CACNA2D1: variants seen among roughly 807,000 people sequenced by gnomAD.
CACNA2D1 encodes the protein voltage-dependent calcium channel subunit alpha-2/delta-1.
Under a neutral mutation model 171.5 loss-of-function variants are expected in CACNA2D1, and 53 were observed. The observed-to-expected ratio is 0.31, with a 90% CI of 0.25 to 0.39. CACNA2D1 has a LOEUF of 0.39. CACNA2D1 is among the 10% of genes least tolerant of loss of function. The pLI is 1.00. For missense variants in CACNA2D1, 903 were observed against 1,299.8 expected (o/e 0.69, Z 4.69); for synonymous variants, 442 against 443.1 (o/e 1.00, Z 0.03).
intron 5 of CACNA2D1, among the ~76,000 whole-genome samples, chr7:82,131,534 C>G (rs1008855466): frequency 6.6e-6 from 1 of 152,088 alleles, no homozygotes; most frequent in Non-Finnish European, 1.5e-5. Context: ...TTTAATTTAT[C>G]CATAATTTCT....
intron 3 of CACNA2D1, among the ~76,000 whole-genome samples, chr7:82,275,878 A>G (rs1288314140): frequency 6.6e-6 from 1 of 152,234 alleles, no homozygotes; most frequent in Non-Finnish European, 1.5e-5. Context: ...TGAATAGGGC[A>G]GATCAAAATG....
At chr7:82,034,252 A>C (rs937349617) in intron 11 of CACNA2D1, among the ~76,000 whole-genome samples, 4 of 152,076 alleles carry the variant, frequency 2.6e-5, no homozygotes, top group African/African-American at 9.7e-5. Flanking sequence ...CCTGGCTTTT[A>C]AATGACTAAT....
intron 4 of CACNA2D1, among the ~76,000 whole-genome samples, chr7:82,145,382 TTA>T (rs1320488078): frequency 1.4e-5 from 2 of 144,832 alleles, no homozygotes; most frequent in East Asian, 3.9e-4. Flanking sequence ...ATATTATATA[TTA>T]TATATGTATT....
chr7:82,179,035 G>A (rs1796841711), intron 3 of CACNA2D1, among the ~76,000 whole-genome samples: 1 of 151,236 alleles, frequency 6.6e-6, no homozygotes, highest in Non-Finnish European at 1.5e-5. Context: ...GACATTCTGT[G>A]ACTTTCTGGC....
chr7:82,075,323 C>A (rs1000757586), intron 7 of CACNA2D1, among the ~76,000 whole-genome samples: 7 of 151,950 alleles, frequency 4.6e-5, no homozygotes, highest in African/African-American at 1.7e-4. Context: ...TGTCTGTCAG[C>A]AGGAGTAGCA....
upstream of CACNA2D1, chr7:82,443,930 G>A: frequency 2.6e-6 from 1 of 377,468 alleles, no homozygotes; most frequent in Middle Eastern, 6.8e-4. Context: ...GGAAGCGAGA[G>A]GCTCCGTCTG....
chr7:82,326,563 G>T (rs1816675997), intron 3 of CACNA2D1, among the ~76,000 whole-genome samples: 1 of 152,184 alleles, frequency 6.6e-6, no homozygotes, highest in South Asian at 2.1e-4. Context: ...GACCATAGCA[G>T]ACAGTCAGTA....
At chr7:82,044,499 GA>G (rs1804320729) in intron 10 of CACNA2D1, among the ~76,000 whole-genome samples, 2 of 152,084 alleles carry the variant, frequency 1.3e-5, no homozygotes, top group South Asian at 4.1e-4. Context: ...GACTGCTTTG[GA>G]AAAGGATTTT....
chr7:82,130,898 G>A lies in CACNA2D1; in HGVS notation c.396+5737C>T, dbSNP rs531026705. On this transcript the variant is annotated intron_variant, in intron 5 of 38. Coordinates refer to ENST00000356860, the MANE Select transcript of CACNA2D1 (RefSeq NM_000722.4). ...TGCAAGCTCCACCTCCCGGGTTCAC[G>A]CTACTCTCCTGCCTCAGCCTCCCAA... Among the ~76,000 whole-genome samples the A allele has an allele frequency of 3.4e-5, 5 of 146,638 alleles. No individual in the cohort carries two copies. In the South Asian group the frequency reaches 8.9e-4, roughly 26 times the overall value.
At chr7:82,238,709 G>A (rs1055207939) in intron 3 of CACNA2D1, among the ~76,000 whole-genome samples, 2 of 152,040 alleles carry the variant, frequency 1.3e-5, no homozygotes, top group African/African-American at 4.8e-5. Flanking sequence ...AGGAATCTTG[G>A]ATCTTGACTT....
intron 1 of CACNA2D1, among the ~76,000 whole-genome samples, chr7:82,358,632 C>T (rs1056658660): frequency 6.6e-6 from 1 of 151,776 alleles, no homozygotes; most frequent in Non-Finnish European, 1.5e-5. Flanking sequence ...TCACTAAACT[C>T]TGATTCCTAA....
chr7:82,300,398 A>C (rs1294707854), intron 3 of CACNA2D1, among the ~76,000 whole-genome samples: 1 of 152,196 alleles, frequency 6.6e-6, no homozygotes, highest in Non-Finnish European at 1.5e-5. Flanking sequence ...TTATACGTAA[A>C]AGAATGAAAA....
At chr7:81,964,946 T>C (rs1383804085) in intron 32 of CACNA2D1, among the ~76,000 whole-genome samples, 1 of 151,758 alleles carries the variant, frequency 6.6e-6, no homozygotes, top group Non-Finnish European at 1.5e-5. Context: ...AATGCCCCCC[T>C]GGGGAATGGA....
intron 3 of CACNA2D1, among the ~76,000 whole-genome samples, chr7:82,224,441 C>A (rs1477281520): frequency 2.0e-5 from 3 of 152,014 alleles, no homozygotes; most frequent in Non-Finnish European, 4.4e-5. Context: ...CAAAAACTAG[C>A]TGGGCGTGGT....
intron 24 of CACNA2D1, among the ~76,000 whole-genome samples, chr7:81,977,951 T>C (rs1451037287): frequency 6.6e-6 from 1 of 152,012 alleles, no homozygotes; most frequent in African/African-American, 2.4e-5. Flanking sequence ...GTTCTCAAAA[T>C]AAGACATTTA....
At chr7:82,402,572 G>A (rs956956174) in intron 1 of CACNA2D1, among the ~76,000 whole-genome samples, 6 of 151,510 alleles carry the variant, frequency 4.0e-5, no homozygotes, top group Admixed American at 6.6e-5. Context: ...TTAGCCAGAC[G>A]TGATGGCGGG....
intron 1 of CACNA2D1, 48 bp downstream of exon 1, chr7:82,443,317 C>T: frequency 1.0e-5 from 16 of 1,560,726 alleles, no homozygotes; most frequent in Non-Finnish European, 1.4e-5. Context: ...ACCCCCAACT[C>T]CCGCGGCGCC....
At chr7:82,063,427 G>A (rs6950419) in intron 9 of CACNA2D1, among the ~76,000 whole-genome samples, 7,882 of 152,144 alleles carry the variant, frequency 0.052, 648 homozygotes, top group African/African-American at 0.17. Context: ...ACTGGGTTAT[G>A]AGGGTTTGGA....
At chr7:82,124,417 G>T (rs1307153613) in intron 5 of CACNA2D1, among the ~76,000 whole-genome samples, 1 of 152,062 alleles carries the variant, frequency 6.6e-6, no homozygotes, top group Admixed American at 6.5e-5. Flanking sequence ...ATTTGCATAG[G>T]AGTGTAACTT....
Sources: allele counts gnomAD v4.1 joint callset (sites outside exome capture counted in the v4.1 genomes callset), GRCh38; gene constraint gnomAD v4.1.1; transcripts MANE v1.5; gene names NCBI Gene and HGNC (gene_info 2026-07-23, HGNC 2026-07-21).